SIL1: variants seen among roughly 807,000 people sequenced by gnomAD.
SIL1 encodes the protein SIL1 nucleotide exchange factor.
Under a neutral mutation model 49.1 loss-of-function variants are expected in SIL1, and 40 were observed. The observed-to-expected ratio is 0.81, with a 90% CI of 0.63 to 1.06. The LOEUF is 1.06. SIL1 is among the 50% of genes least tolerant of loss of function. The pLI is 0.00. For synonymous variants in SIL1, 253 were observed against 250.8 expected, an observed-to-expected ratio of 1.01 and a Z score of -0.08; for missense variants, 500 against 572.6, an observed-to-expected ratio of 0.87 and a Z score of 1.29.
intron 7 of SIL1, among the ~76,000 whole-genome samples, chr5:138,989,678 A>C (rs1767717059): frequency 6.6e-6 from 1 of 152,188 alleles, no homozygotes; most frequent in Non-Finnish European, 1.5e-5. Context: ...CTAGCTTGAT[A>C]AGCCCCCAAC....
intron 7 of SIL1, among the ~76,000 whole-genome samples, chr5:138,994,201 AAAC>A (rs544376543): frequency 1.3e-5 from 2 of 152,236 alleles, no homozygotes; most frequent in Non-Finnish European, 2.9e-5. Context: ...GATTGAAAAG[AAAC>A]AAAATTATTT....
intron 4 of SIL1, among the ~76,000 whole-genome samples, chr5:139,050,598 G>A (rs1769263861): frequency 1.3e-5 from 2 of 152,156 alleles, no homozygotes; most frequent in Admixed American, 1.3e-4. Context: ...GGCCTAACAG[G>A]CCTGTTTTAA....
intron 7 of SIL1, among the ~76,000 whole-genome samples, chr5:138,977,984 C>G (rs1767428396): frequency 6.6e-6 from 1 of 152,198 alleles, no homozygotes; most frequent in South Asian, 2.1e-4. Flanking sequence ...TTGGAAAAGT[C>G]TCTGTAACTA....
chr5:139,024,762 A>C (rs1013412802), intron 6 of SIL1, among the ~76,000 whole-genome samples: 13 of 152,246 alleles, frequency 8.5e-5, no homozygotes, highest in Non-Finnish European at 1.9e-4. Flanking sequence ...TTTTAAAAGT[A>C]AGTCAGATCA....
At chr5:139,128,452 C>A (rs980325338) in intron 1 of SIL1, among the ~76,000 whole-genome samples, 3 of 151,988 alleles carry the variant, frequency 2.0e-5, no homozygotes, top group Admixed American at 6.6e-5. Context: ...CCAGCCTGAA[C>A]AACACAGTGA....
intron 9 of SIL1, among the ~76,000 whole-genome samples, chr5:138,949,083 A>T (rs1766703245): frequency 6.6e-6 from 1 of 152,248 alleles, no homozygotes; most frequent in Admixed American, 6.5e-5. Flanking sequence ...GAATTCTCTG[A>T]TAAACATCTG....
intron 7 of SIL1, among the ~76,000 whole-genome samples, chr5:138,958,394 T>C (rs1229306207): frequency 1.3e-5 from 2 of 152,240 alleles, no homozygotes; most frequent in Admixed American, 1.3e-4. Flanking sequence ...TACTTGGTTA[T>C]GGTGGTATCT....
At chr5:139,166,538 T>C (rs1447683782) in intron 1 of SIL1, among the ~76,000 whole-genome samples, 1 of 152,172 alleles carries the variant, frequency 6.6e-6, no homozygotes, top group Non-Finnish European at 1.5e-5. Context: ...GTACCTGTAG[T>C]CCCAGCTACT....
intron 9 of SIL1, among the ~76,000 whole-genome samples, chr5:138,950,647 A>T (rs1766748919): frequency 6.6e-6 from 1 of 152,128 alleles, no homozygotes; most frequent in African/African-American, 2.4e-5. Flanking sequence ...CTTAATTAAG[A>T]TGCTTCTTCA....
At chr5:139,169,024 T>C (rs1021473238) in intron 1 of SIL1, among the ~76,000 whole-genome samples, 6 of 151,712 alleles carry the variant, frequency 4.0e-5, no homozygotes, top group Admixed American at 6.6e-5. Context: ...TGCATGCTTG[T>C]AGTCCCAGCT....
intron 7 of SIL1, among the ~76,000 whole-genome samples, chr5:138,979,812 A>G (rs1767477272): frequency 6.6e-6 from 1 of 152,258 alleles, no homozygotes; most frequent in African/African-American, 2.4e-5. Context: ...GGAGCTGTAA[A>G]GAGTGAGAGA....
At chr5:139,092,142 G>A (rs1037366275) in intron 3 of SIL1, among the ~76,000 whole-genome samples, 18 of 152,122 alleles carry the variant, frequency 1.2e-4, no homozygotes, top group African/African-American at 4.3e-4. Flanking sequence ...CTGCATCGCT[G>A]GTACTGATAA....
At chr5:139,153,060 C>T (rs1333134322) in intron 1 of SIL1, among the ~76,000 whole-genome samples, 8 of 152,134 alleles carry the variant, frequency 5.3e-5, no homozygotes, top group Admixed American at 2.6e-4. Flanking sequence ...TTAGGTGATC[C>T]GCCCCCCTTG....
At chr5:139,095,488 C>T (rs746916059) in intron 3 of SIL1, among the ~76,000 whole-genome samples, 9 of 152,166 alleles carry the variant, frequency 5.9e-5, no homozygotes, top group Non-Finnish European at 1.0e-4. Context: ...TCTTGAACTC[C>T]TGGCCTCAAG....
intron 7 of SIL1, among the ~76,000 whole-genome samples, chr5:139,004,774 G>A (rs1561823783): frequency 6.6e-6 from 1 of 151,942 alleles, no homozygotes; most frequent in East Asian, 1.9e-4. Flanking sequence ...TATTCAGCCA[G>A]AAAAAAATAA....
intron 7 of SIL1, among the ~76,000 whole-genome samples, chr5:138,971,939 C>T: frequency 6.6e-6 from 1 of 152,222 alleles, no homozygotes; most frequent in East Asian, 1.9e-4. Flanking sequence ...TCAGTCATCT[C>T]TCTGGCTAAA....
intron 5 of SIL1, chr5:139,032,981 T>G (rs1470932717): frequency 6.6e-6 from 1 of 152,150 alleles, no homozygotes; most frequent in Non-Finnish European, 1.5e-5. Flanking sequence ...GTGGATTTTT[T>G]GTTTTTGTTT....
At chr5:139,193,020 A>C (rs916916061) in intron 1 of SIL1, among the ~76,000 whole-genome samples, 2 of 149,368 alleles carry the variant, frequency 1.3e-5, no homozygotes, top group Non-Finnish European at 3.0e-5. Context: ...AAAAAAAAAA[A>C]AAAAACAGGA....
chr5:138,977,884 C>T (rs527869373), intron 7 of SIL1, among the ~76,000 whole-genome samples: 44 of 152,276 alleles, frequency 2.9e-4, no homozygotes, highest in African/African-American at 9.6e-4. Flanking sequence ...ACCCTTGCAA[C>T]GGCTATTCCT....
Sources: allele counts gnomAD v4.1 joint callset (sites outside exome capture counted in the v4.1 genomes callset), GRCh38; gene constraint gnomAD v4.1.1; transcripts MANE v1.5; gene names NCBI Gene and HGNC (gene_info 2026-07-23, HGNC 2026-07-21).